RIMS2: variants seen among roughly 807,000 people sequenced by gnomAD.
RIMS2 encodes regulating synaptic membrane exocytosis protein 2.
A neutral mutation model predicts 174.4 loss-of-function variants in RIMS2; 59 were observed. The ratio of observed to expected loss-of-function variants is 0.34; its 90% CI spans 0.27 to 0.42. RIMS2 has a LOEUF of 0.42. Ranked by LOEUF, RIMS2 falls within the 10% of genes least tolerant of loss-of-function variation. The pLI is 1.00. For synonymous variants in RIMS2, 606 were observed against 572.5 expected (o/e 1.06, Z -0.84); for missense variants, 1,620 against 1,666.3 (o/e 0.97, Z 0.48).
chr8:103,655,534 T>G (rs949899493), intron 1 of RIMS2, among the ~76,000 whole-genome samples: 8 of 152,152 alleles, frequency 5.3e-5, no homozygotes, highest in Admixed American at 2.0e-4. Flanking sequence ...ATTTTATATT[T>G]TAGTTTTATT....
intron 4 of RIMS2, among the ~76,000 whole-genome samples, chr8:103,890,680 C>T (rs143062258): frequency 3.6e-4 from 54 of 151,626 alleles, no homozygotes; most frequent in African/African-American, 1.3e-3. Flanking sequence ...TTTTCTTTTT[C>T]GTTTTTTGTG....
intron 3 of RIMS2, among the ~76,000 whole-genome samples, chr8:103,788,950 C>G (rs548210184): frequency 2.7e-4 from 41 of 152,252 alleles, no homozygotes; most frequent in Non-Finnish European, 5.3e-4. Context: ...CCCTCTGAGC[C>G]AGGTGCGGGA....
intron 3 of RIMS2, among the ~76,000 whole-genome samples, chr8:103,818,338 G>A (rs929092395): frequency 2.0e-5 from 3 of 152,172 alleles, no homozygotes; most frequent in Non-Finnish European, 4.4e-5. Context: ...ATCTCTGCAA[G>A]TGAGTTAATA....
intron 3 of RIMS2, among the ~76,000 whole-genome samples, chr8:103,810,237 C>A (rs937369248): frequency 6.6e-6 from 1 of 152,072 alleles, no homozygotes; most frequent in African/African-American, 2.4e-5. Flanking sequence ...CTAAGCTGAG[C>A]CTCCTTAGAA....
chr8:103,644,702 T>C (rs994035910), intron 1 of RIMS2, among the ~76,000 whole-genome samples: 2 of 150,624 alleles, frequency 1.3e-5, no homozygotes, highest in African/African-American at 4.8e-5. Flanking sequence ...AAATATAAAA[T>C]GTAAATATTT....
intron 1 of RIMS2, among the ~76,000 whole-genome samples, chr8:103,605,889 CT>C (rs944251158): frequency 1.3e-5 from 2 of 150,446 alleles, no homozygotes; most frequent in African/African-American, 2.5e-5. Flanking sequence ...ATTCTTCTCT[CT>C]TTTTTTCTTT....
chr8:103,871,890 T>C (rs926504729), intron 3 of RIMS2, among the ~76,000 whole-genome samples: 1 of 152,194 alleles, frequency 6.6e-6, no homozygotes, highest in African/African-American at 2.4e-5. Flanking sequence ...TTTCTCAAAC[T>C]GTGACTGAGT....
chr8:104,231,015 C>A (rs140834814), intron 19 of RIMS2, among the ~76,000 whole-genome samples: 1 of 152,296 alleles, frequency 6.6e-6, no homozygotes, highest in Non-Finnish European at 1.5e-5. Flanking sequence ...CACTTATTGA[C>A]CAAATGTGGC....
At chr8:103,714,766 ATACT>A (rs1407677734) in intron 2 of RIMS2, among the ~76,000 whole-genome samples, 1 of 152,236 alleles carries the variant, frequency 6.6e-6, no homozygotes, top group East Asian at 1.9e-4. Flanking sequence ...TTTGGGAGTA[ATACT>A]TAAAGTAAAT....
chr8:103,665,206 C>T (rs1178572135), intron 1 of RIMS2, among the ~76,000 whole-genome samples: 1 of 152,200 alleles, frequency 6.6e-6, no homozygotes, highest in Non-Finnish European at 1.5e-5. Flanking sequence ...AGCAAACCAA[C>T]ATGGCACATG....
At chr8:103,772,549 AGG>A (rs1345590002) in intron 3 of RIMS2, among the ~76,000 whole-genome samples, 1 of 152,168 alleles carries the variant, frequency 6.6e-6, no homozygotes, top group Non-Finnish European at 1.5e-5. Context: ...AACTGTGTAC[AGG>A]GATCATACAA....
chr8:104,056,453 G>C (rs1201398481), intron 19 of RIMS2, among the ~76,000 whole-genome samples: 1 of 152,002 alleles, frequency 6.6e-6, no homozygotes, highest in Admixed American at 6.6e-5. Context: ...AGAGTATCTG[G>C]TACAAAACTA....
At chr8:103,576,522 G>A (rs2093251818) in intron 1 of RIMS2, among the ~76,000 whole-genome samples, 1 of 152,182 alleles carries the variant, frequency 6.6e-6, no homozygotes, top group Admixed American at 6.5e-5. Context: ...ACAGCCATAT[G>A]TGAACTCTCT....
chr8:103,531,329 C>T (rs1257491776), intron 1 of RIMS2, among the ~76,000 whole-genome samples: 1 of 151,970 alleles, frequency 6.6e-6, no homozygotes, highest in Non-Finnish European at 1.5e-5. Flanking sequence ...GATCACCATG[C>T]TGGAAATCAA....
At chr8:103,735,121 C>T (rs1202192534) in intron 2 of RIMS2, among the ~76,000 whole-genome samples, 3 of 152,164 alleles carry the variant, frequency 2.0e-5, no homozygotes, top group Non-Finnish European at 4.4e-5. Flanking sequence ...TCTGTGGCAG[C>T]TTCCTCCTCT....
chr8:103,623,337 A>T (rs1008562437), intron 1 of RIMS2, among the ~76,000 whole-genome samples: 4 of 152,136 alleles, frequency 2.6e-5, no homozygotes, highest in African/African-American at 9.7e-5. Flanking sequence ...AACACATTTT[A>T]TTTCTATATA....
At chr8:103,911,705 C>T (rs941652244) in intron 5 of RIMS2, among the ~76,000 whole-genome samples, 2 of 151,724 alleles carry the variant, frequency 1.3e-5, no homozygotes, top group Admixed American at 6.6e-5. Context: ...TCTTTTCTTC[C>T]CGTGAATTTT....
intron 1 of RIMS2, among the ~76,000 whole-genome samples, chr8:103,558,543 CT>C (rs2090957677): frequency 6.6e-6 from 1 of 152,116 alleles, no homozygotes; most frequent in Non-Finnish European, 1.5e-5. Flanking sequence ...TATCTTTGGC[CT>C]TTTTAACCAT....
intron 10 of RIMS2, among the ~76,000 whole-genome samples, chr8:103,925,772 A>G (rs2078654978): frequency 6.6e-6 from 1 of 151,618 alleles, no homozygotes; most frequent in Admixed American, 6.6e-5. Flanking sequence ...GTAGGGAGTG[A>G]TTACGTAAAG....
Sources: allele counts gnomAD v4.1 joint callset (sites outside exome capture counted in the v4.1 genomes callset), GRCh38; gene constraint gnomAD v4.1.1; transcripts MANE v1.5; gene names NCBI Gene and HGNC (gene_info 2026-07-23, HGNC 2026-07-21).